Variants in TNNT2 observed in about 807,000 individuals in gnomAD.
TNNT2 encodes troponin T2, cardiac type.
Under a neutral mutation model 62.4 loss-of-function variants are expected in TNNT2, and 34 were observed. That is an observed-to-expected ratio of 0.54 (90% CI 0.41 to 0.72). The LOEUF (loss-of-function observed/expected upper bound fraction) is 0.72, where lower values mean the gene tolerates loss of function less well. Among genes scored for constraint, TNNT2 ranks in the 30% least tolerant of loss-of-function variants. The pLI, the probability that TNNT2 is intolerant of heterozygous loss-of-function variation, is 0.00. For missense variants in TNNT2, 275 were observed against 381.9 expected, an observed-to-expected ratio of 0.72 and a Z score of 2.33; for synonymous variants, 123 against 127.2, an observed-to-expected ratio of 0.97 and a Z score of 0.22.
chr1:201,368,027 G>T (rs1659979120), intron 6 of TNNT2, 135 bp downstream of exon 6: 1 of 1,042,844 alleles, frequency 9.6e-7, no homozygotes, highest in African/African-American at 1.6e-5. Context: ...GGCAATCAAT[G>T]GTTGAATCTT....
intron 4 of TNNT2, among the ~76,000 whole-genome samples, chr1:201,370,599 C>T (rs561649537): frequency 2.0e-4 from 30 of 152,236 alleles, no homozygotes; most frequent in Admixed American, 8.5e-4. Flanking sequence ...CCCATCTAGA[C>T]GTTGCTCTCT....
intron 1 of TNNT2, chr1:201,374,088 G>A (rs1408193986): frequency 6.6e-6 from 1 of 152,292 alleles, no homozygotes; most frequent in Non-Finnish European, 1.5e-5. Flanking sequence ...CATACACATG[G>A]TGCAATTGTG....
Position 201,368,153 on chromosome 1 carries a change from G to A in TNNT2, c.163+9C>T. 6.2e-7 allele frequency: 1 copy of A among 1,614,048 alleles called. No homozygotes were observed. The highest frequency in any genetic ancestry group is 8.5e-7 in the Non-Finnish European group (1 of 1,179,988). ...CCTGAGGCCCCTGCACCCTCAACCAGAGACTTACCTTCTGCCCTGGTCTCC... is the reference window on the plus strand; with the variant it reads ...CCTGAGGCCCCTGCACCCTCAACCAAAGACTTACCTTCTGCCCTGGTCTCC... On this transcript the variant is annotated intron_variant, in intron 6 of 16. Coordinates refer to ENST00000656932, the MANE Select transcript of TNNT2 (RefSeq NM_001276345.2).
intron 11 of TNNT2, 131 bp from the exon 12 acceptor site, chr1:201,363,537 G>T: frequency 1.2e-6 from 1 of 810,462 alleles, no homozygotes; most frequent in Non-Finnish European, 2.1e-6. Flanking sequence ...TTCTGAGAGG[G>T]TAGCTCCCAG....
intron 1 of TNNT2, among the ~76,000 whole-genome samples, chr1:201,376,019 G>A (rs1661350537): frequency 6.6e-6 from 1 of 152,236 alleles, no homozygotes; most frequent in East Asian, 1.9e-4. Context: ...TGATGCAGGG[G>A]AAAGAGGTGG....
intron 4 of TNNT2, among the ~76,000 whole-genome samples, chr1:201,370,974 A>T (rs908737293): frequency 6.6e-6 from 1 of 152,200 alleles, no homozygotes; most frequent in Non-Finnish European, 1.5e-5. Flanking sequence ...ACCAAAAAAG[A>T]CGCCTGTGGC....
At chr1:201,361,612 G>T (rs1658657009) in intron 14 of TNNT2, among the ~76,000 whole-genome samples, 1 of 152,244 alleles carries the variant, frequency 6.6e-6, no homozygotes, top group Non-Finnish European at 1.5e-5. Flanking sequence ...GGGAGCAGGA[G>T]AAGCCCTTCT....
rs1659458256 is a variant in TNNT2, at chr1:201,365,327, G to A, written c.295-20C>T. The stretch of plus-strand genomic sequence containing the variant: ...GATGTCCTGTGGGTGGACCGCTGCG[G>A]CTCAGAGGCTGCCACTCCAAAGAGT... On this transcript the variant is annotated intron_variant, in intron 9 of 16. Coordinates refer to ENST00000656932, the MANE Select transcript of TNNT2 (RefSeq NM_001276345.2). 6.3e-7 allele frequency: 1 copy of A among 1,598,900 alleles called. No individual in the cohort carries two copies. The highest frequency in any genetic ancestry group is 1.3e-5 in the African/African-American group (1 of 74,578).
intron 6 of TNNT2, 106 bp downstream of exon 6, chr1:201,368,056 G>T: frequency 8.5e-7 from 1 of 1,180,598 alleles, no homozygotes. Flanking sequence ...GGAGAGTCAG[G>T]TGCACATGGG....
chr1:201,366,010 T>C, intron 8 of TNNT2: 1 of 1,206,108 alleles, frequency 8.3e-7, no homozygotes, highest in Non-Finnish European at 1.0e-6. Context: ...TGTGACAAGA[T>C]GCCATGCTTC....
chr1:201,359,222 C>T lies in TNNT2; in HGVS notation c.885G>A (p.Gly295=), dbSNP rs2102212901. The change falls in exon 17 of 17, where the codon GGG becomes GGA. Residue 295 remains glycine (G), a synonymous_variant. Transcript: ENST00000656932. ...AGGAGGCCAGGCTCTATTTCCAGCG[C>T]CCGGTGACTTTAGCCTTCCCGCGGG... The part of the protein sequence containing the change: ...SKTRGKAKVT[G]RWK The T allele has an allele frequency of 6.2e-7, 1 of 1,610,690 alleles. No individual in the cohort carries two copies. The highest frequency in any genetic ancestry group is 8.5e-7 in the Non-Finnish European group (1 of 1,179,050).
In TNNT2 at chr1:201,368,230, G is replaced by A. The variant is rs113983931; in HGVS notation, c.98-3C>T. 1.2e-6 allele frequency: 2 copies of A among 1,614,044 alleles called. No homozygotes were observed. Among genetic ancestry groups the A allele is most frequent in the South Asian group, 1.1e-5 (1 of 91,070 alleles). ...CTCTTCCGCTGCCTCCTCCTGCTCT[G>A]GAGAAGTGAAGCAGACAGAGTGAAG... On this transcript the variant is annotated splice_polypyrimidine_tract_variant and splice_region_variant and intron_variant, in intron 5 of 16. Transcript: ENST00000656932.
At chr1:201,365,361 G>T in intron 9 of TNNT2, 54 bp from the exon 10 acceptor site, 1 of 1,494,996 alleles carries the variant, frequency 6.7e-7, no homozygotes, top group Non-Finnish European at 9.3e-7. Context: ...GTCCAGAGGA[G>T]AGATGGGTGG....
chr1:201,364,230 G>A, intron 11 of TNNT2, 68 bp downstream of exon 11: 1 of 1,486,826 alleles, frequency 6.7e-7, no homozygotes, highest in East Asian at 2.3e-5. Context: ...AATAGAGAGG[G>A]GCCTGGGGGC....
In TNNT2 at chr1:201,359,122, G is replaced by C. The variant is rs1332164076; in HGVS notation, c.*88C>G. On this transcript the variant is annotated 3_prime_UTR_variant, in exon 17 of 17. Coordinates refer to ENST00000656932, the MANE Select transcript of TNNT2 (RefSeq NM_001276345.2). ...CCATTTCCAAACAGGAGCTGCCTGG[G>C]GTGCCCAGGAGGGCCCGGGAACTGG... The C allele has an allele frequency of 1.4e-5, 21 of 1,527,654 alleles. No homozygotes were observed. Among genetic ancestry groups the C allele is most frequent in the Non-Finnish European group, 1.8e-5 (20 of 1,122,296 alleles). 94.6% of individuals were successfully genotyped at this position (1,527,654 alleles called of 1,614,324 possible). A position where few individuals can be genotyped will look rare whatever the true frequency, so the allele number is the denominator to read the frequency against.
chr1:201,363,063 G>T lies in TNNT2; in HGVS notation c.600+233C>A, dbSNP rs533054228. The T allele has an allele frequency of 4.1e-6, 4 of 970,670 alleles. No homozygotes were observed. The African/African-American group carries it at 7.0e-5, about 17-fold the overall frequency. 60.1% of individuals were successfully genotyped at this position (970,670 alleles called of 1,614,324 possible). On this transcript the variant is annotated intron_variant, in intron 12 of 16. Transcript: ENST00000656932. ...GGAGCCAGGCATGGGGGGCACCATT[G>T]GTGCCCCAGGCTCTGCCTGTAGCCC...
intron 2 of TNNT2, among the ~76,000 whole-genome samples, chr1:201,372,756 C>T (rs1027850817): frequency 5.3e-5 from 8 of 152,250 alleles, no homozygotes; most frequent in African/African-American, 1.9e-4. Flanking sequence ...GTCCCACCCC[C>T]TGGTTTCCCT....
At chr1:201,368,458 G>A in intron 5 of TNNT2, 1 of 615,682 alleles carries the variant, frequency 1.6e-6, no homozygotes, top group Non-Finnish European at 3.0e-6. Context: ...CCCTGATGAT[G>A]GGACTCCACC....
intron 16 of TNNT2, 79 bp downstream of exon 16, chr1:201,359,544 A>C: frequency 2.1e-6 from 3 of 1,421,554 alleles, no homozygotes; most frequent in Non-Finnish European, 2.9e-6. Context: ...GGGGCCCTCC[A>C]AGGAGGAATG....
Sources: allele counts gnomAD v4.1 joint callset (sites outside exome capture counted in the v4.1 genomes callset), GRCh38; gene constraint gnomAD v4.1.1; transcripts MANE v1.5; gene names NCBI Gene and HGNC (gene_info 2026-07-23, HGNC 2026-07-21).